CNTN5: variants seen among roughly 807,000 people sequenced by gnomAD.
The protein encoded by CNTN5 is contactin-5.
CNTN5 carries 77 observed loss-of-function variants against 129.1 expected under a neutral mutation model. That is an observed-to-expected ratio of 0.60 (90% CI 0.50 to 0.72). CNTN5 has a LOEUF of 0.72. Ranked by LOEUF, CNTN5 falls within the 30% of genes least tolerant of loss-of-function variation. CNTN5 has a pLI of 0.00. For synonymous variants in CNTN5, 509 were observed against 465.6 expected, an observed-to-expected ratio of 1.09 and a Z score of -1.20; for missense variants, 1,478 against 1,328.8, an observed-to-expected ratio of 1.11 and a Z score of -1.75.
intron 9 of CNTN5, among the ~76,000 whole-genome samples, chr11:100,008,082 C>T (rs971128252): frequency 6.6e-6 from 1 of 152,004 alleles, no homozygotes; most frequent in Non-Finnish European, 1.5e-5. Context: ...TTTTAGTTTG[C>T]TGTCTTCTAT....
intron 10 of CNTN5, among the ~76,000 whole-genome samples, chr11:100,068,343 C>T (rs1943773941): frequency 6.6e-6 from 1 of 152,138 alleles, no homozygotes; most frequent in African/African-American, 2.4e-5. Context: ...GTGCACATGA[C>T]TCTTCTTTGA....
At chr11:99,613,042 G>A (rs1950638611) in intron 3 of CNTN5, among the ~76,000 whole-genome samples, 1 of 152,166 alleles carries the variant, frequency 6.6e-6, no homozygotes, top group Admixed American at 6.5e-5. Context: ...AAATGGCAAA[G>A]TAGAGCTAGA....
In CNTN5 at chr11:99,244,985, G is replaced by A. The variant is rs184880134; in HGVS notation, c.-209-80361G>A. ...ATTGTGAATCTGAAATTAAACTCCC[G>A]TGAAACGTTCATTGAAGTTCTGCTT... is the stretch of plus-strand genomic sequence containing the variant. On this transcript the variant is annotated intron_variant, in intron 1 of 24. Coordinates refer to ENST00000524871, the MANE Select transcript of CNTN5 (RefSeq NM_014361.4). 3.2e-3 allele frequency among the ~76,000 whole-genome samples: 491 copies of A among 152,208 alleles called. 6 individuals carry two copies. Among genetic ancestry groups the A allele is most frequent in the African/African-American group, 0.011 (443 of 41,542 alleles).
intron 23 of CNTN5, among the ~76,000 whole-genome samples, chr11:100,347,144 G>T (rs1391820546): frequency 6.6e-6 from 1 of 152,002 alleles, no homozygotes; most frequent in African/African-American, 2.4e-5. Flanking sequence ...ACAAACAGAG[G>T]TTCTCATTTG....
chr11:99,799,508 G>A (rs1471875881), intron 3 of CNTN5, among the ~76,000 whole-genome samples: 4 of 151,900 alleles, frequency 2.6e-5, no homozygotes, highest in East Asian at 3.9e-4. Flanking sequence ...AGATCATCAT[G>A]TCGTTTTTGT....
chr11:99,968,841 C>A (rs1363650713), intron 8 of CNTN5, among the ~76,000 whole-genome samples: 2 of 151,662 alleles, frequency 1.3e-5, no homozygotes, highest in African/African-American at 2.4e-5. Context: ...TATTGGGATA[C>A]ATTTATCTCT....
intron 13 of CNTN5, among the ~76,000 whole-genome samples, chr11:100,147,453 T>C (rs1946889882): frequency 6.6e-6 from 1 of 151,074 alleles, no homozygotes; most frequent in Non-Finnish European, 1.5e-5. Flanking sequence ...TTCTGCATCC[T>C]TAGGTGGAAA....
At chr11:99,532,538 C>T (rs897888203) in intron 2 of CNTN5, among the ~76,000 whole-genome samples, 4 of 152,076 alleles carry the variant, frequency 2.6e-5, no homozygotes, top group African/African-American at 9.7e-5. Flanking sequence ...TGTCTCCACT[C>T]AAATCTCAAC....
chr11:99,703,443 G>A (rs1294222747), intron 3 of CNTN5, among the ~76,000 whole-genome samples: 2 of 150,388 alleles, frequency 1.3e-5, no homozygotes, highest in African/African-American at 2.4e-5. Flanking sequence ...ATGAATAGTA[G>A]TAATATATAA....
chr11:99,489,211 A>G (rs1047945667), intron 2 of CNTN5, among the ~76,000 whole-genome samples: 9 of 152,164 alleles, frequency 5.9e-5, no homozygotes, highest in Non-Finnish European at 1.0e-4. Flanking sequence ...TTTTTAGTCA[A>G]CTTGCTAAAT....
chr11:99,789,922 A>G (rs951353935), intron 3 of CNTN5, among the ~76,000 whole-genome samples: 7 of 151,780 alleles, frequency 4.6e-5, no homozygotes, highest in East Asian at 1.9e-4. Context: ...CTCTTTCTCT[A>G]TCTCCCTGCT....
At chr11:99,092,717 A>C (rs1402395333) in intron 1 of CNTN5, among the ~76,000 whole-genome samples, 1 of 152,198 alleles carries the variant, frequency 6.6e-6, no homozygotes, top group Middle Eastern at 3.4e-3. Context: ...ATGTTATATT[A>C]CTGAATAAAG....
At chr11:99,134,879 C>G (rs1174708961) in intron 1 of CNTN5, among the ~76,000 whole-genome samples, 2 of 152,138 alleles carry the variant, frequency 1.3e-5, no homozygotes, top group South Asian at 2.1e-4. Context: ...AAATATTCAA[C>G]TGTAACTATG....
chr11:100,093,241 C>G (rs986175917), intron 13 of CNTN5, among the ~76,000 whole-genome samples: 12 of 152,024 alleles, frequency 7.9e-5, no homozygotes, highest in Non-Finnish European at 1.5e-4. Context: ...TATACCACAG[C>G]TAGTGTTTGT....
intron 2 of CNTN5, among the ~76,000 whole-genome samples, chr11:99,507,687 T>A (rs991645446): frequency 2.0e-5 from 3 of 152,208 alleles, no homozygotes; most frequent in Non-Finnish European, 2.9e-5. Flanking sequence ...TCCAAAGTTT[T>A]AAAAATATTG....
intron 4 of CNTN5, among the ~76,000 whole-genome samples, chr11:99,823,633 A>G (rs1411309228): frequency 2.6e-5 from 4 of 152,206 alleles, no homozygotes; most frequent in East Asian, 1.9e-4. Flanking sequence ...AAATTGTCAA[A>G]TATTGAAAAC....
At chr11:99,482,717 A>G (rs903342204) in intron 2 of CNTN5, among the ~76,000 whole-genome samples, 4 of 152,196 alleles carry the variant, frequency 2.6e-5, no homozygotes, top group African/African-American at 9.6e-5. Flanking sequence ...AAAACCTAGA[A>G]GAACTTGGGT....
At chr11:99,041,294 A>G (rs1343978731) in intron 1 of CNTN5, among the ~76,000 whole-genome samples, 1 of 152,118 alleles carries the variant, frequency 6.6e-6, no homozygotes. Flanking sequence ...GATTTTTGCC[A>G]TATCTTTAAT....
chr11:99,704,039 A>ATG (rs1484751955), intron 3 of CNTN5, among the ~76,000 whole-genome samples: 4 of 149,824 alleles, frequency 2.7e-5, no homozygotes, highest in Non-Finnish European at 6.0e-5. Context: ...AAATAATTAT[A>ATG]TGTGTGTATA....
Sources: allele counts gnomAD v4.1 joint callset (sites outside exome capture counted in the v4.1 genomes callset), GRCh38; gene constraint gnomAD v4.1.1; transcripts MANE v1.5; gene names NCBI Gene and HGNC (gene_info 2026-07-23, HGNC 2026-07-21).